UCK2: variants seen among roughly 807,000 people sequenced by gnomAD.
The protein encoded by UCK2 is cytidine monophosphokinase 2.
In UCK2, 6 loss-of-function variants were observed where a neutral mutation model predicts 30.8. The observed-to-expected ratio is 0.19, with a 90% CI of 0.11 to 0.38. The LOEUF is 0.38. Ranked by LOEUF, UCK2 falls within the 10% of genes least tolerant of loss-of-function variation. UCK2 has a pLI of 1.00. For missense variants in UCK2, 210 were observed against 339.8 expected, an observed-to-expected ratio of 0.62 and a Z score of 3.00; for synonymous variants, 125 against 133.6, an observed-to-expected ratio of 0.94 and a Z score of 0.45.
At chr1:165,829,547 G>A (rs1034525582) in intron 1 of UCK2, among the ~76,000 whole-genome samples, 1 of 152,192 alleles carries the variant, frequency 6.6e-6, no homozygotes, top group Non-Finnish European at 1.5e-5. Flanking sequence ...TTGCATATGA[G>A]CTTTTAGAAA....
intron 1 of UCK2, among the ~76,000 whole-genome samples, chr1:165,836,016 G>T (rs1275956664): frequency 6.6e-6 from 1 of 152,150 alleles, no homozygotes; most frequent in Admixed American, 6.5e-5. Flanking sequence ...ATTACCTAAG[G>T]TCAGGAGTTC....
intron 1 of UCK2, among the ~76,000 whole-genome samples, chr1:165,873,226 A>AT (rs1655247585): frequency 6.6e-6 from 1 of 152,354 alleles, no homozygotes; most frequent in Admixed American, 6.5e-5. Flanking sequence ...GAATAGCGAG[A>AT]TACAATAAAA....
intron 4 of UCK2, among the ~76,000 whole-genome samples, chr1:165,897,507 G>A (rs996892562): frequency 7.9e-5 from 12 of 152,090 alleles, no homozygotes; most frequent in African/African-American, 2.9e-4. Flanking sequence ...AGGTGAGAAG[G>A]TTTGAGTCTC....
At chr1:165,866,388 A>G (rs1431543190) in intron 1 of UCK2, among the ~76,000 whole-genome samples, 2 of 152,144 alleles carry the variant, frequency 1.3e-5, no homozygotes, top group African/African-American at 2.4e-5. Context: ...AATGTAACTT[A>G]GGTTCATTGT....
At chr1:165,831,718 A>G (rs531451339) in intron 1 of UCK2, among the ~76,000 whole-genome samples, 1 of 152,332 alleles carries the variant, frequency 6.6e-6, no homozygotes, top group Admixed American at 6.5e-5. Context: ...TCAGTACAGT[A>G]CAAATCCCCT....
intron 1 of UCK2, among the ~76,000 whole-genome samples, chr1:165,844,522 C>T (rs181148599): frequency 6.6e-6 from 1 of 152,296 alleles, no homozygotes; most frequent in Admixed American, 6.5e-5. Flanking sequence ...TCCTAAATCC[C>T]TTAGAATTTC....
At chr1:165,873,745 T>TG (rs1473446212) in intron 1 of UCK2, among the ~76,000 whole-genome samples, 2 of 152,194 alleles carry the variant, frequency 1.3e-5, no homozygotes, top group Non-Finnish European at 2.9e-5. Context: ...TTTTCCCACA[T>TG]GCTGCTTATC....
At chr1:165,901,380 T>C (rs1466277288) in intron 4 of UCK2, among the ~76,000 whole-genome samples, 4 of 152,236 alleles carry the variant, frequency 2.6e-5, no homozygotes, top group Admixed American at 1.3e-4. Flanking sequence ...TCTCATCTTA[T>C]AGATTTCCTG....
At chr1:165,896,109 A>T in intron 3 of UCK2, 81 bp from the exon 4 acceptor site, 1 of 1,570,022 alleles carries the variant, frequency 6.4e-7, no homozygotes, top group Non-Finnish European at 8.7e-7. Flanking sequence ...AACCCAGCCC[A>T]GCCAGATGTT....
Position 165,872,036 on chromosome 1 carries a change from T to C in UCK2, c.100-18168T>C, listed in dbSNP as rs139894445. On this transcript the variant is annotated intron_variant, in intron 1 of 6. Transcript: ENST00000367879. ...GGCATATACATAGTCTTTTTTTTTT[T>C]TCTCTTTTTGCCGGCTGCTCTAGCC... Among the ~76,000 whole-genome samples the C allele has an allele frequency of 2.6e-3, 389 of 152,040 alleles. 1 individual carries two copies. The highest frequency in any genetic ancestry group is 4.8e-3 in the Non-Finnish European group (327 of 67,974).
chr1:165,853,366 T>G (rs984741939), intron 1 of UCK2, among the ~76,000 whole-genome samples: 1 of 152,156 alleles, frequency 6.6e-6, no homozygotes, highest in African/African-American at 2.4e-5. Flanking sequence ...ATTTTTTTTT[T>G]TGTTTTCATT....
At chr1:165,884,914 G>C (rs1404798047) in intron 1 of UCK2, among the ~76,000 whole-genome samples, 1 of 152,194 alleles carries the variant, frequency 6.6e-6, no homozygotes, top group Non-Finnish European at 1.5e-5. Flanking sequence ...AGCATGTCTA[G>C]TGGACCCTGG....
At chr1:165,832,629 G>A (rs1184815404) in intron 1 of UCK2, among the ~76,000 whole-genome samples, 1 of 152,024 alleles carries the variant, frequency 6.6e-6, no homozygotes, top group African/African-American at 2.4e-5. Context: ...TTATTTTTGG[G>A]ACAGAGCCTT....
chr1:165,834,836 C>T (rs1654147926), intron 1 of UCK2, among the ~76,000 whole-genome samples: 1 of 152,142 alleles, frequency 6.6e-6, no homozygotes, highest in Admixed American at 6.5e-5. Context: ...CCCTATGGGA[C>T]AGGTGACCAG....
intron 1 of UCK2, among the ~76,000 whole-genome samples, chr1:165,836,409 T>C (rs1284439247): frequency 6.6e-6 from 1 of 152,194 alleles, no homozygotes; most frequent in African/African-American, 2.4e-5. Flanking sequence ...AGGAACCCTG[T>C]TGACATAAAT....
intron 1 of UCK2, among the ~76,000 whole-genome samples, chr1:165,870,805 G>A (rs1268026503): frequency 2.0e-5 from 3 of 152,160 alleles, no homozygotes; most frequent in Non-Finnish European, 4.4e-5. Flanking sequence ...AGGCTTCATT[G>A]GACAAAAATT....
intron 1 of UCK2, among the ~76,000 whole-genome samples, chr1:165,841,115 A>G (rs113765853): frequency 0.54 from 57,073 of 106,550 alleles, 11,859 homozygotes; most frequent in East Asian, 0.64. Flanking sequence ...GTGTGTGTAT[A>G]TATATATATA....
intron 3 of UCK2, chr1:165,892,545 A>G (rs1655796656): frequency 1.3e-5 from 2 of 152,030 alleles, no homozygotes; most frequent in Non-Finnish European, 2.9e-5. Context: ...ATTTTGCTTC[A>G]CTCTCACCTT....
chr1:165,903,406 T>A lies in UCK2; in HGVS notation c.597+127T>A, dbSNP rs1647547568. The A allele has an allele frequency of 3.9e-6, 3 of 764,848 alleles. No individual in the cohort carries two copies. In the Admixed American group the frequency reaches 7.5e-5, roughly 19 times the overall value. The allele number at this position is 764,848 out of a possible 1,614,324, so 47.4% of individuals were successfully genotyped here. ...ACTCCTCTCTCTGAGTGATCCTCTG[T>A]CCTGAAGTCCTAAGAGAGGGCAGCC... On this transcript the variant is annotated intron_variant, in intron 5 of 6. Coordinates refer to ENST00000367879, the MANE Select transcript of UCK2 (RefSeq NM_012474.5).
Sources: allele counts gnomAD v4.1 joint callset (sites outside exome capture counted in the v4.1 genomes callset), GRCh38; gene constraint gnomAD v4.1.1; transcripts MANE v1.5; gene names NCBI Gene and HGNC (gene_info 2026-07-23, HGNC 2026-07-21).